Variants in AXDND1 observed in about 807,000 individuals in gnomAD.
AXDND1 encodes the protein axonemal dynein light chain domain containing 1, also known as axonemal dynein light chain domain-containing protein 1.
A neutral mutation model predicts 137.5 loss-of-function variants in AXDND1; 110 were observed. That is an observed-to-expected ratio of 0.80 (90% confidence interval 0.69 to 0.94). The LOEUF is 0.94. Among genes scored for constraint, AXDND1 ranks in the 40% least tolerant of loss-of-function variants. The pLI is 0.00. For synonymous variants in AXDND1, 414 were observed against 399.7 expected (o/e 1.04, Z -0.43); for missense variants, 1,191 against 1,169.8 (o/e 1.02, Z -0.26).
intron 12 of AXDND1, among the ~76,000 whole-genome samples, chr1:179,427,506 C>T (rs1163648936): frequency 6.6e-6 from 1 of 152,058 alleles, no homozygotes; most frequent in African/African-American, 2.4e-5. Context: ...AAAGTTCCTG[C>T]CCATAAAACT....
chr1:179,497,022 A>G (rs1442593364), intron 20 of AXDND1, among the ~76,000 whole-genome samples: 1 of 152,048 alleles, frequency 6.6e-6, no homozygotes, highest in Non-Finnish European at 1.5e-5. Flanking sequence ...TCTGCTATTG[A>G]TTTGTAATAT....
chr1:179,550,925 A>C, intron 25 of AXDND1: 1 of 540,734 alleles, frequency 1.8e-6, no homozygotes, highest in Non-Finnish European at 3.3e-6. Context: ...TCCAAAGTAG[A>C]ATGTTGACCA....
intron 11 of AXDND1, among the ~76,000 whole-genome samples, chr1:179,408,968 CTTTTTTTTTTTTT>C (rs74384865): frequency 7.9e-6 from 1 of 126,402 alleles, no homozygotes; most frequent in Admixed American, 7.8e-5. Context: ...TTTTTTCTTT[CTTTTTTTTTTTTT>C]TTTTTTTTGC....
chr1:179,512,917 C>T (rs371206572), intron 21 of AXDND1, among the ~76,000 whole-genome samples: 51 of 152,164 alleles, frequency 3.4e-4, no homozygotes, highest in East Asian at 2.7e-3. Context: ...GTCTTGTATC[C>T]GGAAACTTTG....
In AXDND1 at chr1:179,525,403, G is replaced by A. The variant is rs757345331; in HGVS notation, c.2566G>A (p.Glu856Lys). 3.2e-5 allele frequency: 51 copies of A among 1,612,120 alleles called. No homozygotes were observed. Among genetic ancestry groups the A allele is most frequent in the Non-Finnish European group, 4.1e-5 (48 of 1,178,910 alleles). The change falls in exon 22 of 26, where the codon GAG (glutamate) becomes AAG (lysine). Residue 856 changes from glutamate to lysine, a missense_variant. Transcript: ENST00000367618. ...SFKEDEEESK[E>K]DRKLQEENKE... ...TAAAGAAGATGAAGAAGAAAGTAAG[G>A]AGGATAGGAAACTTCAGGAGGAAAA...
At chr1:179,408,720 C>T (rs537901426) in intron 11 of AXDND1, among the ~76,000 whole-genome samples, 1 of 152,140 alleles carries the variant, frequency 6.6e-6, no homozygotes, top group South Asian at 2.1e-4. Context: ...TCACTGTATC[C>T]TCCAGGCTGG....
At chr1:179,471,454 T>G (rs1235759112) in intron 17 of AXDND1, among the ~76,000 whole-genome samples, 2 of 152,190 alleles carry the variant, frequency 1.3e-5, no homozygotes, top group Non-Finnish European at 2.9e-5. Context: ...TTTCTAGAAA[T>G]TTGACAATTT....
intron 25 of AXDND1, chr1:179,552,258 CTAGAAGT>C (rs1006537079): frequency 5.4e-6 from 2 of 368,400 alleles, no homozygotes; most frequent in Non-Finnish European, 1.0e-5. Flanking sequence ...TAGGGGATAC[CTAGAAGT>C]TAGAAGTTAG....
At chr1:179,372,816 T>C (rs947722668) in intron 4 of AXDND1, among the ~76,000 whole-genome samples, 1 of 152,072 alleles carries the variant, frequency 6.6e-6, no homozygotes, top group African/African-American at 2.4e-5. Context: ...CTGACGTAGC[T>C]GGGACTACAG....
chr1:179,494,811 T>TTTTAG (rs1192642161), intron 20 of AXDND1, among the ~76,000 whole-genome samples: 1 of 152,224 alleles, frequency 6.6e-6, no homozygotes, highest in Non-Finnish European at 1.5e-5. Flanking sequence ...TCTCCTATGT[T>TTTTAG]TTCTTCTAGA....
chr1:179,400,780 C>T (rs1227551446), intron 11 of AXDND1, among the ~76,000 whole-genome samples: 1 of 151,106 alleles, frequency 6.6e-6, no homozygotes, highest in East Asian at 1.9e-4. Flanking sequence ...TGGCAGGCGC[C>T]TGTAGTCCCA....
At chr1:179,517,228 G>C (rs967278542) in intron 21 of AXDND1, among the ~76,000 whole-genome samples, 1 of 152,126 alleles carries the variant, frequency 6.6e-6, no homozygotes, top group Non-Finnish European at 1.5e-5. Context: ...TCAGGGAAGT[G>C]GGGGAAAGCA....
chr1:179,430,948 G>A (rs922257687), intron 14 of AXDND1, among the ~76,000 whole-genome samples: 2 of 152,112 alleles, frequency 1.3e-5, no homozygotes, highest in Non-Finnish European at 2.9e-5. Context: ...ATGCAGAGAC[G>A]TAAAACCAAT....
chr1:179,470,475 T>C (rs1028965756), intron 17 of AXDND1, among the ~76,000 whole-genome samples: 3 of 152,196 alleles, frequency 2.0e-5, no homozygotes, highest in Non-Finnish European at 2.9e-5. Flanking sequence ...TTGGATCTTC[T>C]TTAATTTCTT....
chr1:179,430,507 T>C lies in AXDND1; in HGVS notation c.1388T>C (p.Val463Ala), dbSNP rs761760918. Residue 463 changes from valine to alanine, a missense_variant, in exon 14 of 26, where the codon GTG (valine) becomes GCG (alanine). Physicochemically the swap from Val to Ala is moderately conservative, Grantham distance 64. Coordinates refer to ENST00000367618, the MANE Select transcript of AXDND1 (RefSeq NM_144696.6). ...QKLTQKWRNLVNKLKQEVEQM... is the reference protein window; with the variant it reads ...QKLTQKWRNLANKLKQEVEQM... ...TTGACACAAAAATGGAGAAACTTAG[T>C]GAATAAACTTAAACAAGAGGTAGAA... 4.3e-6 allele frequency: 7 copies of C among 1,613,992 alleles called. No homozygotes were observed. The highest frequency in any genetic ancestry group is 1.1e-5 in the South Asian group (1 of 91,068).
chr1:179,489,375 T>C (rs1666582248), intron 18 of AXDND1, among the ~76,000 whole-genome samples: 1 of 152,220 alleles, frequency 6.6e-6, no homozygotes, highest in African/African-American at 2.4e-5. Flanking sequence ...GATAATAACA[T>C]CTATTTGTGC....
At chr1:179,507,428 T>C (rs1668640421) in intron 20 of AXDND1, among the ~76,000 whole-genome samples, 1 of 152,172 alleles carries the variant, frequency 6.6e-6, no homozygotes. Context: ...GCGTGCAAAT[T>C]CAACTACAGA....
At chr1:179,405,996 A>G (rs375722386) in intron 11 of AXDND1, among the ~76,000 whole-genome samples, 11 of 152,124 alleles carry the variant, frequency 7.2e-5, no homozygotes, top group African/African-American at 2.6e-4. Context: ...CTCTTTTGAT[A>G]TAGGTGTTTA....
intron 17 of AXDND1, among the ~76,000 whole-genome samples, chr1:179,477,098 T>C (rs1398968285): frequency 1.3e-5 from 2 of 152,176 alleles, no homozygotes; most frequent in Non-Finnish European, 2.9e-5. Context: ...TCTTCTCTCT[T>C]CTGCCAGTTC....
Sources: gnomAD v4.1 joint callset for allele counts (sites outside exome capture counted in the v4.1 genomes callset) on GRCh38, gnomAD v4.1.1 for gene constraint, MANE v1.5 for transcripts, NCBI Gene and HGNC (gene_info 2026-07-23, HGNC 2026-07-21) for gene names.